Variants in SUCLG2 observed in about 807,000 individuals in gnomAD.
The protein encoded by SUCLG2 is succinate--CoA ligase [GDP-forming] subunit beta, mitochondrial.
Under a neutral mutation model 47.9 loss-of-function variants are expected in SUCLG2, and 42 were observed. The observed-to-expected ratio is 0.88, with a 90% CI of 0.69 to 1.14. The LOEUF is 1.14. Ranked by LOEUF, SUCLG2 falls within the 50% of genes most tolerant of loss-of-function variation. The probability of loss-of-function intolerance (pLI) is 0.00; values close to 1 mark genes in which losing one functional copy is unlikely to be tolerated. For missense variants in SUCLG2, 571 were observed against 525.9 expected, an observed-to-expected ratio of 1.09 and a Z score of -0.84; for synonymous variants, 195 against 197.3, an observed-to-expected ratio of 0.99 and a Z score of 0.10.
chr3:67,436,568 G>T (rs1278448727), intron 9 of SUCLG2, among the ~76,000 whole-genome samples: 2 of 152,182 alleles, frequency 1.3e-5, no homozygotes, highest in Non-Finnish European at 2.9e-5. Flanking sequence ...TAGCAGCGAT[G>T]TGCTAGTCAA....
At chr3:67,391,993 C>G (rs1702395391) in intron 10 of SUCLG2, among the ~76,000 whole-genome samples, 1 of 152,160 alleles carries the variant, frequency 6.6e-6, no homozygotes, top group African/African-American at 2.4e-5. Context: ...GGAGACGTGG[C>G]TCTTGGAGGA....
At chr3:67,515,177 G>A (rs926405454) in intron 6 of SUCLG2, among the ~76,000 whole-genome samples, 2 of 152,114 alleles carry the variant, frequency 1.3e-5, no homozygotes. Context: ...TATTGCTATT[G>A]TTCTATTTCA....
At chr3:67,387,731 T>C (rs1178366063) in intron 10 of SUCLG2, among the ~76,000 whole-genome samples, 3 of 152,348 alleles carry the variant, frequency 2.0e-5, no homozygotes, top group Non-Finnish European at 4.4e-5. Flanking sequence ...CTCTGCTGAT[T>C]GCATCAGAGG....
At chr3:67,370,889 TA>T (rs971886933), downstream of SUCLG2, among the ~76,000 whole-genome samples, 3 of 152,230 alleles carry the variant, frequency 2.0e-5, no homozygotes, top group Non-Finnish European at 4.4e-5. Flanking sequence ...TTTATTTATT[TA>T]AAACGATTTA....
intron 2 of SUCLG2, among the ~76,000 whole-genome samples, chr3:67,567,709 A>G (rs1559575722): frequency 6.6e-6 from 1 of 152,162 alleles, no homozygotes; most frequent in Non-Finnish European, 1.5e-5. Flanking sequence ...CTTTTTTCAC[A>G]TTCGAAGACC....
intron 10 of SUCLG2, chr3:67,376,599 T>A: frequency 1.3e-6 from 1 of 745,624 alleles, no homozygotes. Flanking sequence ...AGACAGAGCC[T>A]ATTTATAAAC....
chr3:67,383,675 C>A (rs536333617), intron 10 of SUCLG2, among the ~76,000 whole-genome samples: 1 of 152,222 alleles, frequency 6.6e-6, no homozygotes, highest in South Asian at 2.1e-4. Context: ...TATGATCATG[C>A]AAGCAAGGTT....
intron 10 of SUCLG2, among the ~76,000 whole-genome samples, chr3:67,362,928 C>G (rs1268327983): frequency 2.0e-5 from 3 of 152,186 alleles, no homozygotes; most frequent in African/African-American, 7.2e-5. Flanking sequence ...AATTTATGCT[C>G]TAGAGCTCCC....
intron 1 of SUCLG2, among the ~76,000 whole-genome samples, chr3:67,618,388 C>T (rs1212075732): frequency 6.6e-6 from 1 of 152,164 alleles, no homozygotes; most frequent in Admixed American, 6.5e-5. Context: ...CATTGCACTC[C>T]AGCCTGGCAA....
chr3:67,494,960 G>A (rs1262911912), intron 9 of SUCLG2, among the ~76,000 whole-genome samples: 5 of 152,150 alleles, frequency 3.3e-5, no homozygotes, highest in Non-Finnish European at 7.4e-5. Context: ...AGCAGCAATA[G>A]TAACTATGAA....
intron 1 of SUCLG2, 21 bp downstream of exon 1, chr3:67,654,482 A>G (rs1264400544): frequency 4.1e-6 from 5 of 1,232,968 alleles, no homozygotes; most frequent in South Asian, 8.2e-5. Context: ...TGGCGCCCGC[A>G]GCTCCTGCCC....
chr3:67,419,985 T>G (rs1306593281), intron 9 of SUCLG2, among the ~76,000 whole-genome samples: 1 of 152,166 alleles, frequency 6.6e-6, no homozygotes, highest in African/African-American at 2.4e-5. Context: ...GTTTGATTGC[T>G]TCATGAAGAT....
chr3:67,393,426 A>G (rs1391415180), intron 10 of SUCLG2, among the ~76,000 whole-genome samples: 2 of 152,188 alleles, frequency 1.3e-5, no homozygotes, highest in African/African-American at 4.8e-5. Flanking sequence ...TTGCTAGCAC[A>G]GCAGTCTGAG....
At chr3:67,388,049 C>A (rs1376913359) in intron 10 of SUCLG2, among the ~76,000 whole-genome samples, 1 of 151,760 alleles carries the variant, frequency 6.6e-6, no homozygotes. Flanking sequence ...CTGCTTCTAT[C>A]TTAGTAAAAG....
chr3:67,504,589 G>A (rs1223791614), intron 7 of SUCLG2, among the ~76,000 whole-genome samples: 2 of 152,156 alleles, frequency 1.3e-5, no homozygotes. Flanking sequence ...GACAGATTGG[G>A]TGAGGTCGTT....
intron 9 of SUCLG2, among the ~76,000 whole-genome samples, chr3:67,455,815 C>T (rs139771612): frequency 3.0e-4 from 46 of 152,228 alleles, no homozygotes; most frequent in Admixed American, 1.4e-3. Flanking sequence ...TGTTCTACTA[C>T]CCAGTGTTTC....
chr3:67,518,239 TTA>T lies in SUCLG2; in HGVS notation c.660+6_660+7del, dbSNP rs1447803155. 5 of 1,609,434 alleles carry T rather than the reference TTA, an allele frequency of 3.1e-6. No homozygotes were observed. The highest frequency in any genetic ancestry group is 1.3e-5 in the African/African-American group (1 of 74,820). ...GTCAGACACACCATCCCCCAATGGCTTATATACCTGGCTTTTCAAAGGCCCAA... is the reference window on the plus strand; with the variant it reads ...GTCAGACACACCATCCCCCAATGGCTTATACCTGGCTTTTCAAAGGCCCAA... On this transcript the variant is annotated splice_donor_region_variant and intron_variant, in intron 6 of 10. Transcript: ENST00000307227.
At chr3:67,552,172 C>CAAAAAAAAAAAAAA (rs55687048) in intron 2 of SUCLG2, among the ~76,000 whole-genome samples, 6 of 75,474 alleles carry the variant, frequency 7.9e-5, no homozygotes, top group Non-Finnish European at 1.6e-4. Flanking sequence ...AACTCCATCT[C>CAAAAAAAAAAAAAA]AAAAAAAAAA....
chr3:67,618,853 T>C (rs941805460), intron 1 of SUCLG2, among the ~76,000 whole-genome samples: 4 of 152,156 alleles, frequency 2.6e-5, no homozygotes, highest in Non-Finnish European at 5.9e-5. Context: ...AGTGGATAGC[T>C]AGAGAAGAAA....
Sources: allele counts gnomAD v4.1 joint callset (sites outside exome capture counted in the v4.1 genomes callset), GRCh38; gene constraint gnomAD v4.1.1; transcripts MANE v1.5; gene names NCBI Gene and HGNC (gene_info 2026-07-23, HGNC 2026-07-21).